Variants in TMTC1 observed in about 807,000 individuals in gnomAD.
TMTC1 encodes transmembrane O-mannosyltransferase targeting cadherins 1.
A neutral mutation model predicts 104.8 loss-of-function variants in TMTC1; 73 were observed. The observed-to-expected ratio is 0.70, with a 90% CI of 0.58 to 0.85. The LOEUF (loss-of-function observed/expected upper bound fraction) is 0.85. Ranked by LOEUF, TMTC1 falls within the 40% of genes least tolerant of loss-of-function variation. TMTC1 has a pLI of 0.00. For synonymous variants in TMTC1, 434 were observed against 428.7 expected (o/e 1.01, Z -0.15); for missense variants, 1,035 against 1,096.1 (o/e 0.94, Z 0.79).
At chr12:29,626,530 G>C (rs1565719763) in intron 6 of TMTC1, among the ~76,000 whole-genome samples, 1 of 152,182 alleles carries the variant, frequency 6.6e-6, no homozygotes, top group Non-Finnish European at 1.5e-5. Flanking sequence ...TTAAAATAAG[G>C]TGTTTAGGGA....
At chr12:29,599,648 A>G (rs1406943468) in intron 7 of TMTC1, among the ~76,000 whole-genome samples, 4 of 152,316 alleles carry the variant, frequency 2.6e-5, no homozygotes, top group African/African-American at 9.6e-5. Context: ...CCCGGGCTTC[A>G]GTGAGGCTGG....
At chr12:29,605,233 T>C (rs1946667273) in intron 6 of TMTC1, among the ~76,000 whole-genome samples, 2 of 152,166 alleles carry the variant, frequency 1.3e-5, no homozygotes, top group South Asian at 4.1e-4. Flanking sequence ...TTTTTAATAA[T>C]TGGAAAAGAA....
intron 5 of TMTC1, among the ~76,000 whole-genome samples, chr12:29,651,687 A>C (rs1016759214): frequency 6.6e-6 from 1 of 152,204 alleles, no homozygotes; most frequent in African/African-American, 2.4e-5. Context: ...CAGTCATTTT[A>C]ATTTCAGAGC....
chr12:29,671,805 C>T (rs1940528318), intron 5 of TMTC1, among the ~76,000 whole-genome samples: 1 of 152,086 alleles, frequency 6.6e-6, no homozygotes, highest in Non-Finnish European at 1.5e-5. Context: ...AGAAAGAAAT[C>T]AACATGGGCT....
intron 8 of TMTC1, among the ~76,000 whole-genome samples, chr12:29,576,348 C>T (rs1945822040): frequency 6.6e-6 from 1 of 152,010 alleles, no homozygotes; most frequent in Non-Finnish European, 1.5e-5. Flanking sequence ...AGGAGCTTTC[C>T]CCTTATTCAC....
In TMTC1 at chr12:29,722,935, A is replaced by AAAAAAG. The variant is rs397826547; in HGVS notation, c.938+28730_938+28731insCTTTTT. Among the ~76,000 whole-genome samples, 4 of 118,246 alleles carry AAAAAAG rather than the reference A, an allele frequency of 3.4e-5. 1 individual carries two copies. The East Asian group carries it at 1.0e-3, about 30-fold the overall frequency. The allele number at this position is 118,246 out of a possible 152,430, so 77.6% of individuals were successfully genotyped here. A position where few individuals can be genotyped will look rare whatever the true frequency, so the allele number is the denominator to read the frequency against. ...GACTCTGTCTCAAAAAAAAAAAAAA[A>AAAAAAG]GGAAGAAAGAAAGAAAAAAGAAAAG... On this transcript the variant is annotated intron_variant, in intron 5 of 17. Coordinates refer to ENST00000539277, the MANE Select transcript of TMTC1 (RefSeq NM_001193451.2).
chr12:29,559,289 T>TG (rs1448812347), intron 9 of TMTC1, among the ~76,000 whole-genome samples: 1 of 152,210 alleles, frequency 6.6e-6, no homozygotes, highest in African/African-American at 2.4e-5. Flanking sequence ...CTCACCCATG[T>TG]AAGGTGCCTG....
chr12:29,525,388 G>C (rs890768113), intron 11 of TMTC1, among the ~76,000 whole-genome samples: 9 of 151,706 alleles, frequency 5.9e-5, no homozygotes, highest in African/African-American at 2.2e-4. Context: ...GTTTCACCAT[G>C]TTGGCCAGGC....
intron 8 of TMTC1, among the ~76,000 whole-genome samples, chr12:29,575,531 G>A (rs1945797839): frequency 6.6e-6 from 1 of 151,480 alleles, no homozygotes. Context: ...CCCGAGAACT[G>A]AGCAAAGACT....
intron 7 of TMTC1, among the ~76,000 whole-genome samples, chr12:29,597,886 C>T (rs1380083694): frequency 1.3e-5 from 2 of 152,070 alleles, no homozygotes; most frequent in African/African-American, 4.8e-5. Flanking sequence ...GACAAGAATA[C>T]CAGAAATATA....
At position 29,752,000 on chromosome 12, in the gene TMTC1, C is replaced by T. The variant is rs549632050; in HGVS notation, c.732-128G>A. 2.0e-5 allele frequency: 17 copies of T among 852,014 alleles called. No homozygotes were observed. In the South Asian group the frequency reaches 2.9e-4, roughly 15 times the overall value. 52.8% of individuals were successfully genotyped at this position (852,014 alleles called of 1,614,324 possible). On this transcript the variant is annotated intron_variant, in intron 4 of 17. Transcript: ENST00000539277. ...AAACAACCATTCTCAAGTCTTTAGC[C>T]CTTGTGTTTCTGATATTTACTGCCA...
chr12:29,750,062 TAC>T (rs34859060), intron 5 of TMTC1, among the ~76,000 whole-genome samples: 1,730 of 146,270 alleles, frequency 0.012, 22 homozygotes, highest in Middle Eastern at 0.025. Flanking sequence ...TAACTGTCTA[TAC>T]ACACACACAC....
At chr12:29,590,095 C>T (rs1158537594) in intron 7 of TMTC1, among the ~76,000 whole-genome samples, 1 of 151,986 alleles carries the variant, frequency 6.6e-6, no homozygotes, top group Non-Finnish European at 1.5e-5. Context: ...GCCATCCACA[C>T]CATGTAAACA....
rs374693760 is a variant in TMTC1, at chr12:29,649,700, A to G, written c.939-16364T>C. Among the ~76,000 whole-genome samples the G allele has an allele frequency of 2.6e-4, 39 of 152,334 alleles. No individual in the cohort carries two copies. The East Asian group carries it at 7.1e-3, about 28-fold the overall frequency. ...TTTTTATAAAGTTACAAGTAGACAG[A>G]CCCTTGCAGATGGTTTTGAAGACAG... is the stretch of plus-strand genomic sequence containing the variant. On this transcript the variant is annotated intron_variant, in intron 5 of 17. Transcript: ENST00000539277.
rs78454898 is a variant in TMTC1, at chr12:29,549,648, C to T, written c.1676+7209G>A. ...GGAGAGCAAAGCAAGCAGGAGTCTA[C>T]GAACATGCAGGAAATTTTGAGATAG... On this transcript the variant is annotated intron_variant, in intron 10 of 17. Coordinates refer to ENST00000539277, the MANE Select transcript of TMTC1 (RefSeq NM_001193451.2). Among the ~76,000 whole-genome samples, 1,027 of 152,044 alleles carry T rather than the reference C, an allele frequency of 6.8e-3. 23 individuals are homozygous for T. Among genetic ancestry groups the T allele is most frequent in the East Asian group, 0.055 (284 of 5,168 alleles).
chr12:29,614,006 A>C, intron 6 of TMTC1: 1 of 801,002 alleles, frequency 1.2e-6, no homozygotes. Context: ...GAACCATAAA[A>C]AAGTTCACAC....
At chr12:29,723,388 AAG>A in intron 5 of TMTC1, among the ~76,000 whole-genome samples, 1 of 152,200 alleles carries the variant, frequency 6.6e-6, no homozygotes, top group East Asian at 1.9e-4. Flanking sequence ...TACAATAATT[AAG>A]ACTAGGTAGT....
rs1565687192 is a variant in TMTC1 at position 29,583,490 on chromosome 12, C to A, written c.1335G>T (p.Val445=). 6.2e-7 allele frequency: 1 copy of A among 1,613,948 alleles called. No individual in the cohort carries two copies. The highest frequency in any genetic ancestry group is 8.5e-7 in the Non-Finnish European group (1 of 1,179,928). The part of the protein sequence containing the change: ...LNRCGATTLI[V]STVLLLLLFS... ...AAAGCAACAGCAGCAACACAGTGGA[C>A]ACAATCAGGGTGGTGGCCCCACATC... Residue 445 remains valine (V), a synonymous_variant, in exon 8 of 18, where the codon GTG becomes GTT. Coordinates refer to ENST00000539277, the MANE Select transcript of TMTC1 (RefSeq NM_001193451.2).
At position 29,564,088 on chromosome 12, in the gene TMTC1, A is replaced by C. The variant is rs1423416739; in HGVS notation, c.1533-7088T>G. Among the ~76,000 whole-genome samples the C allele has an allele frequency of 2.6e-5, 4 of 152,206 alleles. No individual in the cohort carries two copies. The East Asian group carries it at 7.7e-4, about 29-fold the overall frequency. On this transcript the variant is annotated intron_variant, in intron 9 of 17. Transcript: ENST00000539277. ...GGTTCCAAGGAGAGAAAGCAAAACCAAACAGAACTTGAGAAACTGAAAGGA... is the reference window on the plus strand; with the variant it reads ...GGTTCCAAGGAGAGAAAGCAAAACCCAACAGAACTTGAGAAACTGAAAGGA...
Sources: gnomAD v4.1 joint callset for allele counts (sites outside exome capture counted in the v4.1 genomes callset) on GRCh38, gnomAD v4.1.1 for gene constraint, MANE v1.5 for transcripts, NCBI Gene and HGNC (gene_info 2026-07-23, HGNC 2026-07-21) for gene names.